The following USP14 variants were observed in gnomAD, a reference collection of about 807,000 sequenced individuals.
USP14 encodes ubiquitin carboxyl-terminal hydrolase 14.
A neutral mutation model predicts 76.5 loss-of-function variants in USP14; 38 were observed. The ratio of observed to expected loss-of-function variants is 0.50; its 90% CI spans 0.38 to 0.65. USP14 has a LOEUF of 0.65. USP14 is among the 30% of genes least tolerant of loss of function. USP14 has a pLI of 0.00. For missense variants in USP14, 467 were observed against 586.5 expected (o/e 0.80, Z 2.10); for synonymous variants, 192 against 191.7 (o/e 1.00, Z -0.01).
intron 15 of USP14, 69 bp from the exon 16 acceptor site, chr18:211,064 T>C: frequency 1.3e-6 from 2 of 1,526,386 alleles, no homozygotes; most frequent in East Asian, 4.6e-5. Flanking sequence ...ACTTGATACT[T>C]TTTTTGCAGT....
In USP14 at chr18:214,519, A is replaced by ATTGTTGT. The variant is rs3084176; in HGVS notation, c.*3240_*3241insGTTTGTT. On this transcript the variant is annotated 3_prime_UTR_variant, in exon 16 of 16. Coordinates refer to ENST00000261601, the MANE Select transcript of USP14 (RefSeq NM_005151.4). ...CAGAGCACCAGCCGACTGTACAACA[A>ATTGTTGT]TTGTTATAAAAATGTTTATTGTTTA... is the stretch of plus-strand genomic sequence containing the variant. The ATTGTTGT allele has an allele frequency of 3.2e-5, 28 of 886,362 alleles. No homozygotes were observed. The South Asian group carries it at 4.8e-4, about 15-fold the overall frequency. 54.9% of individuals were successfully genotyped at this position (886,362 alleles called of 1,614,324 possible).
At chr18:203,254 A>G (rs1412004592) in intron 12 of USP14, 64 bp downstream of exon 12, 3 of 1,403,924 alleles carry the variant, frequency 2.1e-6, no homozygotes, top group Middle Eastern at 1.8e-4. Flanking sequence ...CTAACTCACA[A>G]TTGCTTTCAT....
intron 5 of USP14, among the ~76,000 whole-genome samples, chr18:188,776 C>T (rs958870804): frequency 1.3e-5 from 2 of 151,922 alleles, no homozygotes; most frequent in South Asian, 2.1e-4. Flanking sequence ...CTCCTGGGTT[C>T]GAGCGATTCT....
At chr18:176,265 T>C (rs1015761974) in intron 3 of USP14, among the ~76,000 whole-genome samples, 2 of 152,188 alleles carry the variant, frequency 1.3e-5, no homozygotes, top group African/African-American at 4.8e-5. Context: ...TGAAAATTTT[T>C]ATATAATCAT....
In USP14 at chr18:214,397, A is replaced by AT. The variant is rs1429721738; in HGVS notation, c.*3113_*3114insT. ...TATAAATACATCTACTTAACAAAAA[A>AT]ATATATTTTGTGATCTTGAGGTCAC... On this transcript the variant is annotated 3_prime_UTR_variant, in exon 16 of 16. Transcript: ENST00000261601. 2 of 444,336 alleles carry AT rather than the reference A, an allele frequency of 4.5e-6. No homozygotes were observed. Among genetic ancestry groups the AT allele is most frequent in the Non-Finnish European group, 7.9e-6 (2 of 251,616 alleles). The allele number at this position is 444,336 out of a possible 1,614,324, so 27.5% of individuals were successfully genotyped here.
In USP14 at chr18:205,155, G is replaced by A. The variant is rs141983940; in HGVS notation, c.1164+463G>A. Among the ~76,000 whole-genome samples the A allele has an allele frequency of 1.9e-3, 293 of 152,222 alleles. 3 individuals are homozygous for A. The highest frequency in any genetic ancestry group is 6.4e-3 in the African/African-American group (266 of 41,544). ...CCTCCCAGAGTGCTGGGGATTATAG[G>A]CATGAGGCACCACACCTGGCCTTTA... On this transcript the variant is annotated intron_variant, in intron 13 of 15. Transcript: ENST00000261601.
At chr18:162,595 T>C (rs1598260994) in intron 1 of USP14, among the ~76,000 whole-genome samples, 1 of 152,154 alleles carries the variant, frequency 6.6e-6, no homozygotes, top group Non-Finnish European at 1.5e-5. Context: ...TTAAACTATC[T>C]AACCTTTCTC....
intron 1 of USP14, 31 bp from the exon 2 acceptor site, chr18:163,277 T>C: frequency 6.4e-7 from 1 of 1,558,576 alleles, no homozygotes; most frequent in Non-Finnish European, 8.7e-7. Context: ...TTGTTATTTT[T>C]TAATTAAAAA....
At chr18:161,851 G>A (rs1241389608) in intron 1 of USP14, among the ~76,000 whole-genome samples, 1 of 152,134 alleles carries the variant, frequency 6.6e-6, no homozygotes. Flanking sequence ...GAGGCTGATT[G>A]AAATTTTTTA....
intron 3 of USP14, among the ~76,000 whole-genome samples, chr18:170,406 G>T (rs1021524263): frequency 1.3e-5 from 2 of 152,186 alleles, no homozygotes; most frequent in African/African-American, 2.4e-5. Flanking sequence ...CAGAAAGCTA[G>T]AAATGATTAA....
chr18:199,727 A>G (rs1910336797), intron 10 of USP14, among the ~76,000 whole-genome samples: 1 of 152,154 alleles, frequency 6.6e-6, no homozygotes, highest in South Asian at 2.1e-4. Context: ...TCTGAGTTCA[A>G]TGTTAATTAA....
intron 5 of USP14, among the ~76,000 whole-genome samples, chr18:184,084 G>C: frequency 6.6e-6 from 1 of 152,172 alleles, no homozygotes; most frequent in Middle Eastern, 3.4e-3. Flanking sequence ...TTCATCCTAT[G>C]TGGTTCTATT....
At chr18:158,737 G>C in intron 1 of USP14, 23 bp downstream of exon 1, 1 of 1,494,732 alleles carries the variant, frequency 6.7e-7, no homozygotes, top group Non-Finnish European at 8.8e-7. Flanking sequence ...CTGGCCTCGC[G>C]CGCAGCACAC....
chr18:186,998 G>C (rs507184), intron 5 of USP14, among the ~76,000 whole-genome samples: 9 of 152,028 alleles, frequency 5.9e-5, no homozygotes, highest in African/African-American at 2.2e-4. Flanking sequence ...TGACCTTTCA[G>C]ATATTGGCAG....
At chr18:210,968 T>C (rs546298282) in intron 15 of USP14, among the ~76,000 whole-genome samples, 165 bp from the exon 16 acceptor site, 1 of 152,358 alleles carries the variant, frequency 6.6e-6, no homozygotes, top group African/African-American at 2.4e-5. Context: ...GTGGAACCCC[T>C]GCAGTGCCCT....
chr18:180,120 G>T, intron 4 of USP14, 116 bp from the exon 5 acceptor site: 2 of 526,156 alleles, frequency 3.8e-6, no homozygotes, highest in Non-Finnish European at 3.2e-6. Flanking sequence ...TAAATTGGTA[G>T]AAGCTAGTAA....
In USP14 at chr18:212,402, C is replaced by G. The variant is rs191550953; in HGVS notation, c.*1118C>G. The stretch of plus-strand genomic sequence containing the variant: ...CAGGTGGTTCACTGGAGGTTGAGTT[C>G]GAGACCAGCCTGGCCACATGGTGAA... On this transcript the variant is annotated 3_prime_UTR_variant, in exon 16 of 16. Coordinates refer to ENST00000261601, the MANE Select transcript of USP14 (RefSeq NM_005151.4). 2.0e-5 allele frequency: 3 copies of G among 152,200 alleles called. No individual in the cohort carries two copies. The highest frequency in any genetic ancestry group is 1.9e-4 in the East Asian group (1 of 5,172). The allele number at this position is 152,200 out of a possible 1,614,324, so 9.4% of individuals were successfully genotyped here. A position where few individuals can be genotyped will look rare whatever the true frequency, so the allele number is the denominator to read the frequency against.
At chr18:210,342 G>A (rs2143106340) in intron 14 of USP14, 44 bp from the exon 15 acceptor site, 1 of 1,381,102 alleles carries the variant, frequency 7.2e-7, no homozygotes, top group South Asian at 1.3e-5. Flanking sequence ...GAAGGCACAT[G>A]TCTATTCATT....
rs375058482 is a variant in USP14 at position 214,013 on chromosome 18, A to ATGATTGATGAT, written c.*2737_*2738insGATTGATTGAT. The ATGATTGATGAT allele has an allele frequency of 4.0e-5, 6 of 151,376 alleles. No homozygotes were observed. In the East Asian group the frequency reaches 1.2e-3, roughly 30 times the overall value. The allele number at this position is 151,376 out of a possible 1,614,324, so 9.4% of individuals were successfully genotyped here. A position where few individuals can be genotyped will look rare whatever the true frequency, so the allele number is the denominator to read the frequency against. On this transcript the variant is annotated 3_prime_UTR_variant, in exon 16 of 16. Transcript: ENST00000261601. The stretch of plus-strand genomic sequence containing the variant: ...TAGATAGATAGATGATGATTGATTG[A>ATGATTGATGAT]TGATTGATAGTAAATTATTTCAGGC...
Sources: allele counts gnomAD v4.1 joint callset (sites outside exome capture counted in the v4.1 genomes callset), GRCh38; gene constraint gnomAD v4.1.1; transcripts MANE v1.5; gene names NCBI Gene and HGNC (gene_info 2026-07-23, HGNC 2026-07-21).